Variants in PRPSAP1 observed in about 807,000 individuals in gnomAD.
PRPSAP1 encodes phosphoribosyl pyrophosphate synthetase associated protein 1.
Under a neutral mutation model 39.4 loss-of-function variants are expected in PRPSAP1, and 31 were observed. The ratio of observed to expected loss-of-function variants is 0.79; its 90% confidence interval spans 0.59 to 1.06. The LOEUF is 1.06. PRPSAP1 is among the 50% of genes least tolerant of loss of function. The pLI, the probability that PRPSAP1 is intolerant of heterozygous loss-of-function variation, is 0.00. For synonymous variants in PRPSAP1, 212 were observed against 192.6 expected (o/e 1.10, Z -0.83); for missense variants, 430 against 511.6 (o/e 0.84, Z 1.54).
chr17:76,344,698 T>A lies in PRPSAP1; in HGVS notation c.263A>T (p.Asp88Val). ...GGGTATTGTCTGTATAATGAAAATA[T>A]CTTGGCCACGAACAGATTCTTTTAT... is the stretch of plus-strand genomic sequence containing the variant. ...VEIKESVRGQDIFIIQTIPRD... is the reference protein window; with the variant it reads ...VEIKESVRGQVIFIIQTIPRD... Residue 88 changes from aspartate to valine, a missense_variant, in exon 3 of 10, where the codon GAT becomes GTT. Coordinates refer to ENST00000446526, the MANE Select transcript of PRPSAP1 (RefSeq NM_002766.3). The A allele has an allele frequency of 1.9e-6, 3 of 1,582,818 alleles. No homozygotes were observed. The highest frequency in any genetic ancestry group is 2.6e-6 in the Non-Finnish European group (3 of 1,159,846).
intron 3 of PRPSAP1, among the ~76,000 whole-genome samples, chr17:76,341,543 A>G (rs190847334): frequency 1.3e-5 from 2 of 152,274 alleles, no homozygotes; most frequent in Admixed American, 1.3e-4. Flanking sequence ...TACCTGGCCA[A>G]CAAGATTTCT....
intron 3 of PRPSAP1, among the ~76,000 whole-genome samples, chr17:76,338,102 T>A (rs1028097050): frequency 3.9e-5 from 6 of 152,208 alleles, no homozygotes; most frequent in African/African-American, 1.4e-4. Flanking sequence ...AATGGCTTTT[T>A]GCCATTTCCA....
In PRPSAP1 at chr17:76,353,604, G is replaced by T; in HGVS notation, c.100C>A (p.Arg34Ser). 3 of 1,558,982 alleles carry T rather than the reference G, an allele frequency of 1.9e-6. No individual in the cohort carries two copies. Among genetic ancestry groups the T allele is most frequent in the East Asian group, 5.0e-5 (2 of 40,078 alleles). ...PVPPPAMNAA[R>S]TGYRVFSANS... is the part of the protein sequence containing the mutation. ...GCCGAGAAGACTCGGTAGCCGGTGCGAGCGGCGTTCATGGCCGGCGGGGGA... is the reference window on the plus strand; with the variant it reads ...GCCGAGAAGACTCGGTAGCCGGTGCTAGCGGCGTTCATGGCCGGCGGGGGA... The change falls in exon 1 of 10, where the codon CGC (arginine) becomes AGC (serine). Residue 34 changes from arginine (R) to serine (S), a missense_variant. This residue lies in a region of PRPSAP1 where 152 missense variants were observed against 135.2 expected (regional missense o/e 1.12). Coordinates refer to ENST00000446526, the MANE Select transcript of PRPSAP1 (RefSeq NM_002766.3).
At chr17:76,328,893 A>C (rs2071284856) in intron 6 of PRPSAP1, 31 bp from the exon 7 acceptor site, 2 of 1,583,496 alleles carry the variant, frequency 1.3e-6, no homozygotes, top group Admixed American at 3.8e-5. Flanking sequence ...GGTGAAACTG[A>C]CAGGAAGAAA....
At chr17:76,328,945 A>T in intron 6 of PRPSAP1, 83 bp from the exon 7 acceptor site, 1 of 1,442,246 alleles carries the variant, frequency 6.9e-7, no homozygotes, top group South Asian at 1.3e-5. Flanking sequence ...CCATAAAATG[A>T]AAATATTTAA....
At chr17:76,313,704 A>G in intron 8 of PRPSAP1, 117 bp downstream of exon 8, 1 of 1,151,884 alleles carries the variant, frequency 8.7e-7, no homozygotes, top group South Asian at 1.3e-5. Context: ...TTTGGGTGAG[A>G]AAGGATACAT....
At chr17:76,329,750 A>C (rs1457496444) in intron 6 of PRPSAP1, among the ~76,000 whole-genome samples, 3 of 152,254 alleles carry the variant, frequency 2.0e-5, no homozygotes, top group South Asian at 4.1e-4. Flanking sequence ...AAAAAACAAA[A>C]AAAAAAACCA....
At chr17:76,327,593 C>G (rs937512684) in intron 7 of PRPSAP1, among the ~76,000 whole-genome samples, 1 of 152,040 alleles carries the variant, frequency 6.6e-6, no homozygotes, top group African/African-American at 2.4e-5. Context: ...GAAGAGGTTG[C>G]AGTGAGCCAA....
chr17:76,345,721 A>T (rs1305912966), intron 2 of PRPSAP1: 5 of 171,022 alleles, frequency 2.9e-5, no homozygotes, highest in African/African-American at 1.2e-4. Context: ...GCAAAAGAAT[A>T]AGTCTTGGAG....
chr17:76,336,437 CA>C (rs71161286), intron 3 of PRPSAP1, among the ~76,000 whole-genome samples: 26 of 132,624 alleles, frequency 2.0e-4, no homozygotes, highest in South Asian at 4.9e-4. Context: ...GAATCTTTCT[CA>C]AAAAAAAAAA....
Sources: gnomAD v4.1 joint callset for allele counts (sites outside exome capture counted in the v4.1 genomes callset) on GRCh38, gnomAD v4.1.1 for gene constraint, gnomAD v4.1.1 regional missense constraint, MANE v1.5 for transcripts, NCBI Gene and HGNC (gene_info 2026-07-23, HGNC 2026-07-21) for gene names.